The following ITGA9 variants were observed in gnomAD, a reference collection of about 807,000 sequenced individuals.
The protein encoded by ITGA9 is integrin alpha-9.
In ITGA9, 56 loss-of-function variants were observed where a neutral mutation model predicts 127.8. The ratio of observed to expected loss-of-function variants is 0.44; its 90% CI spans 0.35 to 0.55. The LOEUF (loss-of-function observed/expected upper bound fraction) is 0.55, where lower values mean the gene tolerates loss of function less well. Ranked by LOEUF, ITGA9 falls within the 20% of genes least tolerant of loss-of-function variation. The pLI, the probability that ITGA9 is intolerant of heterozygous loss-of-function variation, is 0.00. For synonymous variants in ITGA9, 508 were observed against 514.5 expected, an observed-to-expected ratio of 0.99 and a Z score of 0.17; for missense variants, 1,196 against 1,347.1, an observed-to-expected ratio of 0.89 and a Z score of 1.76.
intron 4 of ITGA9, among the ~76,000 whole-genome samples, chr3:37,493,464 G>A (rs1237608417): frequency 6.6e-6 from 1 of 152,220 alleles, no homozygotes; most frequent in Non-Finnish European, 1.5e-5. Flanking sequence ...AGCCTCACAT[G>A]TGATTAATTT....
At chr3:37,576,825 T>C (rs1699658645) in intron 15 of ITGA9, among the ~76,000 whole-genome samples, 1 of 152,226 alleles carries the variant, frequency 6.6e-6, no homozygotes, top group Non-Finnish European at 1.5e-5. Flanking sequence ...CAGGCTGGTG[T>C]CGAACTCAAG....
chr3:37,466,483 C>CAAAAAAAAAAAAAAAAAAAAAAA (rs60980366), intron 1 of ITGA9, among the ~76,000 whole-genome samples: 1 of 26,066 alleles, frequency 3.8e-5, no homozygotes, highest in Non-Finnish European at 5.9e-5. Context: ...GACACCATCT[C>CAAAAAAAAAAAAAAAAAAAAAAA]AAAAAAAAAA....
intron 3 of ITGA9, among the ~76,000 whole-genome samples, chr3:37,475,951 G>A (rs571453826): frequency 2.6e-5 from 4 of 152,300 alleles, no homozygotes; most frequent in African/African-American, 4.8e-5. Flanking sequence ...TGTGGTGTTC[G>A]TCCTTTTGTG....
At chr3:37,751,091 G>A (rs1373310254) in intron 23 of ITGA9, among the ~76,000 whole-genome samples, 4 of 152,250 alleles carry the variant, frequency 2.6e-5, no homozygotes, top group Non-Finnish European at 4.4e-5. Flanking sequence ...CAGGGTGGAG[G>A]TTCAGAAAAC....
At chr3:37,534,209 G>A (rs1699186053) in intron 14 of ITGA9, among the ~76,000 whole-genome samples, 1 of 152,038 alleles carries the variant, frequency 6.6e-6, no homozygotes, top group African/African-American at 2.4e-5. Flanking sequence ...TTATTTAAAA[G>A]GCTGATTTAA....
intron 18 of ITGA9, among the ~76,000 whole-genome samples, chr3:37,725,260 G>T (rs1370257978): frequency 1.3e-5 from 2 of 152,172 alleles, no homozygotes; most frequent in African/African-American, 4.8e-5. Context: ...ACTTGTGTTT[G>T]TTCTGACTCC....
chr3:37,728,960 A>G (rs1696250974), intron 18 of ITGA9, among the ~76,000 whole-genome samples: 1 of 152,006 alleles, frequency 6.6e-6, no homozygotes, highest in South Asian at 2.1e-4. Flanking sequence ...TTAATTGTAC[A>G]ACAGAGTTGG....
intron 17 of ITGA9, among the ~76,000 whole-genome samples, chr3:37,678,297 A>G (rs1180014397): frequency 6.6e-6 from 1 of 152,250 alleles, no homozygotes; most frequent in East Asian, 1.9e-4. Flanking sequence ...CCAACAGTGC[A>G]CAAGGGTTTC....
At chr3:37,751,915 T>C (rs1223054141) in intron 23 of ITGA9, among the ~76,000 whole-genome samples, 1 of 152,232 alleles carries the variant, frequency 6.6e-6, no homozygotes, top group African/African-American at 2.4e-5. Context: ...GATCAAAGGC[T>C]GTGGGCATCT....
chr3:37,688,700 AC>A (rs1700802926), intron 18 of ITGA9, among the ~76,000 whole-genome samples: 1 of 150,942 alleles, frequency 6.6e-6, no homozygotes, highest in African/African-American at 2.4e-5. Context: ...AATCACCCCC[AC>A]CCCCCATTTT....
chr3:37,564,445 T>A (rs967490677), intron 15 of ITGA9, among the ~76,000 whole-genome samples: 1 of 152,214 alleles, frequency 6.6e-6, no homozygotes, highest in Non-Finnish European at 1.5e-5. Flanking sequence ...AATTGTTTTG[T>A]TATATTTTTG....
chr3:37,789,131 C>T (rs1005824757), intron 26 of ITGA9, among the ~76,000 whole-genome samples: 2 of 152,108 alleles, frequency 1.3e-5, no homozygotes, highest in Non-Finnish European at 2.9e-5. Flanking sequence ...ACCTTGCTAT[C>T]GAGTCTCTTT....
intron 27 of ITGA9, among the ~76,000 whole-genome samples, chr3:37,812,442 G>T (rs1161431767): frequency 6.6e-6 from 1 of 152,212 alleles, no homozygotes; most frequent in Non-Finnish European, 1.5e-5. Context: ...ACCCTGCAGG[G>T]GGCTGGGGAG....
At chr3:37,653,015 C>T (rs1281088681) in intron 16 of ITGA9, among the ~76,000 whole-genome samples, 1 of 152,194 alleles carries the variant, frequency 6.6e-6, no homozygotes, top group Non-Finnish European at 1.5e-5. Context: ...CCAGCAAGCT[C>T]TCTGGAAATA....
At chr3:37,567,929 A>C (rs1157654370) in intron 15 of ITGA9, among the ~76,000 whole-genome samples, 1 of 152,030 alleles carries the variant, frequency 6.6e-6, no homozygotes. Context: ...TGGTGGATCT[A>C]CCATTCTAGG....
At chr3:37,565,527 A>C (rs931140994) in intron 15 of ITGA9, among the ~76,000 whole-genome samples, 2 of 152,234 alleles carry the variant, frequency 1.3e-5, no homozygotes, top group Admixed American at 1.3e-4. Flanking sequence ...GGTGGCATAG[A>C]ATCACCTGAA....
intron 3 of ITGA9, among the ~76,000 whole-genome samples, chr3:37,480,307 C>G (rs1262053529): frequency 6.6e-6 from 1 of 152,112 alleles, no homozygotes; most frequent in Non-Finnish European, 1.5e-5. Flanking sequence ...GCAGAGCTGC[C>G]CTGCCTCATG....
At chr3:37,611,490 C>A (rs1274793627) in intron 15 of ITGA9, among the ~76,000 whole-genome samples, 1 of 152,058 alleles carries the variant, frequency 6.6e-6, no homozygotes, top group Non-Finnish European at 1.5e-5. Context: ...GAGAGTAGAA[C>A]AGATTATAAG....
At chr3:37,678,670 A>T (rs1270760688) in intron 17 of ITGA9, among the ~76,000 whole-genome samples, 1 of 152,218 alleles carries the variant, frequency 6.6e-6, no homozygotes, top group Non-Finnish European at 1.5e-5. Context: ...TTTTATGTCT[A>T]AGACTTAAGG....
Sources: allele counts gnomAD v4.1 joint callset (sites outside exome capture counted in the v4.1 genomes callset), GRCh38; gene constraint gnomAD v4.1.1; transcripts MANE v1.5; gene names NCBI Gene and HGNC (gene_info 2026-07-23, HGNC 2026-07-21).